Variants in ZNF335 observed in about 807,000 individuals in gnomAD.
ZNF335 encodes the protein NRC-interacting factor 1.
A neutral mutation model predicts 145.6 loss-of-function variants in ZNF335; 84 were observed. That is an observed-to-expected ratio of 0.58 (90% CI 0.48 to 0.69). ZNF335 has a LOEUF of 0.69. ZNF335 is among the 30% of genes least tolerant of loss of function. The pLI is 0.00. For missense variants in ZNF335, 1,865 were observed against 1,809.7 expected (o/e 1.03, Z -0.55); for synonymous variants, 761 against 717.0 (o/e 1.06, Z -0.98).
At position 45,949,823 on chromosome 20, in the gene ZNF335, G is replaced by A. The variant is rs2083595233; in HGVS notation, c.3646C>T (p.His1216Tyr). ...ITTADGQTVQ[H>Y]LVTSDNQVQY... The stretch of plus-strand genomic sequence containing the variant: ...ACCTGGTTGTCGGAGGTCACCAGGT[G>A]CTGTACGGTCTGGCCATCTGCCGTG... Residue 1216 changes from histidine to tyrosine, a missense_variant, in exon 24 of 28, where the codon CAC (histidine) becomes TAC (tyrosine). Coordinates refer to ENST00000322927, the MANE Select transcript of ZNF335 (RefSeq NM_022095.4). The A allele has an allele frequency of 6.2e-7, 1 of 1,614,008 alleles. No individual in the cohort carries two copies. Among genetic ancestry groups the A allele is most frequent in the Admixed American group, 1.7e-5 (1 of 60,008 alleles).
At position 45,967,642 on chromosome 20, in the gene ZNF335, T is replaced by C. The variant is rs747337899; in HGVS notation, c.815-8A>G. 10 of 1,613,602 alleles carry C rather than the reference T, an allele frequency of 6.2e-6. No homozygotes were observed. The highest frequency in any genetic ancestry group is 1.7e-6 in the Non-Finnish European group (2 of 1,179,932). ...CTGCTGCGGCTGCTGCTACTGGAAGTGGAGGGAGGGTAAGACAAGCTTGCC... is the reference window on the plus strand; with the variant it reads ...CTGCTGCGGCTGCTGCTACTGGAAGCGGAGGGAGGGTAAGACAAGCTTGCC... On this transcript the variant is annotated splice_region_variant and splice_polypyrimidine_tract_variant and intron_variant, in intron 5 of 27. Transcript: ENST00000322927.
In ZNF335 at chr20:45,951,018, A is replaced by T. The variant is rs560851586; in HGVS notation, c.3190-423T>A. ...AGCGATTCTCCCGCCTCAGCCTCCCAAGTTGCAGGGATTACTGGCATGCGC... is the reference window on the plus strand; with the variant it reads ...AGCGATTCTCCCGCCTCAGCCTCCCTAGTTGCAGGGATTACTGGCATGCGC... On this transcript the variant is annotated intron_variant, in intron 20 of 27. Transcript: ENST00000322927. Among the ~76,000 whole-genome samples the T allele has an allele frequency of 1.1e-3, 168 of 151,976 alleles. 1 individual carries two copies. The highest frequency in any genetic ancestry group is 4.0e-3 in the African/African-American group (164 of 41,434).
chr20:45,950,046 C>T lies in ZNF335; in HGVS notation c.3511G>A (p.Val1171Ile). ...LHTALQSSHG[V>I]LGPERLQQAL... Reference sequence around the variant, plus strand: ...TGCTGTAGCCGCTCTGGGCCCAGGACCCCGTGACTGGACTGGAGTGCAGCT... The same window carrying T: ...TGCTGTAGCCGCTCTGGGCCCAGGATCCCGTGACTGGACTGGAGTGCAGCT... Residue 1171 changes from valine (V) to isoleucine (I), a missense_variant, in exon 23 of 28, where the codon GTC becomes ATC. By Grantham distance (29) the Val-to-Ile change is conservative (BLOSUM62 3). Coordinates refer to ENST00000322927, the MANE Select transcript of ZNF335 (RefSeq NM_022095.4). The T allele has an allele frequency of 6.2e-7, 1 of 1,613,962 alleles. No homozygotes were observed. Among genetic ancestry groups the T allele is most frequent in the Non-Finnish European group, 8.5e-7 (1 of 1,179,972 alleles).
rs1429203370 is a variant in ZNF335 at position 45,950,433 on chromosome 20, C to T, written c.3332+20G>A. ...ACCATACATGCCCAGCAGTCCCCAC[C>T]CACCAGTATCTGGCCTCACCGCTGC... is the stretch of plus-strand genomic sequence containing the variant. On this transcript the variant is annotated intron_variant, in intron 21 of 27. Transcript: ENST00000322927. 3 of 1,613,910 alleles carry T rather than the reference C, an allele frequency of 1.9e-6. No individual in the cohort carries two copies. Among genetic ancestry groups the T allele is most frequent in the African/African-American group, 2.7e-5 (2 of 74,934 alleles).
chr20:45,962,156 G>C lies in ZNF335; in HGVS notation c.1560C>G (p.Ser520Arg), dbSNP rs2083854775. ...TGCACTCGTCACACTTGTAGGGCTT[G>C]CTGCCCACGTGGTTGAACATGTGCT... ...LKEHMFNHVG[S>R]KPYKCDECSY... Residue 520 changes from serine (S) to arginine (R), a missense_variant, in exon 10 of 28, where the codon AGC (serine) becomes AGG (arginine). Transcript: ENST00000322927. 2 of 1,613,944 alleles carry C rather than the reference G, an allele frequency of 1.2e-6. No individual in the cohort carries two copies. The highest frequency in any genetic ancestry group is 1.3e-5 in the African/African-American group (1 of 74,910).
intron 1 of ZNF335, chr20:45,971,696 C>T: frequency 2.0e-6 from 2 of 985,476 alleles, no homozygotes; most frequent in African/African-American, 1.7e-5. Flanking sequence ...AATCTTGACC[C>T]TTTCCCTCGC....
rs993707088 is a variant in ZNF335, at chr20:45,948,951, G to A, written c.*2C>T. 2.5e-6 allele frequency: 4 copies of A among 1,613,754 alleles called. No homozygotes were observed. The highest frequency in any genetic ancestry group is 2.5e-6 in the Non-Finnish European group (3 of 1,180,042). On this transcript the variant is annotated 3_prime_UTR_variant, in exon 28 of 28. Transcript: ENST00000322927. ...CCATGATCTGTGTTGGGCCCTCGGG[G>A]CTCAGTCATCGGCCAGGGTGATGAC... is the stretch of plus-strand genomic sequence containing the variant.
chr20:45,967,448 C>G (rs1156521562), intron 6 of ZNF335, 46 bp downstream of exon 6: 6 of 1,613,890 alleles, frequency 3.7e-6, no homozygotes, highest in African/African-American at 1.3e-5. Context: ...GTGAGTATGT[C>G]TAGATGGGCA....
intron 10 of ZNF335, 187 bp downstream of exon 10, chr20:45,961,883 G>C: frequency 1.8e-6 from 1 of 548,554 alleles, no homozygotes; most frequent in East Asian, 2.8e-5. Context: ...CTCAAGGCCT[G>C]GTACTGTCCT....
At chr20:45,953,553 T>C in intron 18 of ZNF335, 136 bp downstream of exon 18, 1 of 1,180,352 alleles carries the variant, frequency 8.5e-7, no homozygotes, top group Non-Finnish European at 1.2e-6. Context: ...CTGAGAAGGG[T>C]AGACTCCACC....
intron 9 of ZNF335, among the ~76,000 whole-genome samples, chr20:45,962,862 G>A (rs2083874383): frequency 6.8e-6 from 1 of 146,622 alleles, no homozygotes; most frequent in South Asian, 2.1e-4. Flanking sequence ...TGCCCAGGCT[G>A]GAGTGCAATG....
At position 45,952,606 on chromosome 20, in the gene ZNF335, G is replaced by A; in HGVS notation, c.2806C>T (p.His936Tyr). Reference sequence around the variant, plus strand: ...GCATCCCCAAGCCTCACCTCAATGTGGTGCAACTGGGTACCATCAGTAGCC... The same window carrying A: ...GCATCCCCAAGCCTCACCTCAATGTAGTGCAACTGGGTACCATCAGTAGCC... ...IMATDGTQLH[H>Y]IELTADGSIS... Residue 936 changes from histidine to tyrosine, a missense_variant, in exon 19 of 28, where the codon CAC becomes TAC. Coordinates refer to ENST00000322927, the MANE Select transcript of ZNF335 (RefSeq NM_022095.4). 6.2e-7 allele frequency: 1 copy of A among 1,613,972 alleles called. No homozygotes were observed. The highest frequency in any genetic ancestry group is 8.5e-7 in the Non-Finnish European group (1 of 1,180,008).
At position 45,971,348 on chromosome 20, in the gene ZNF335, C is replaced by T. The variant is rs2084063133; in HGVS notation, c.63G>A (p.Glu21=). 1 of 1,599,720 alleles carries T rather than the reference C, an allele frequency of 6.3e-7. No individual in the cohort carries two copies. The highest frequency in any genetic ancestry group is 8.5e-7 in the Non-Finnish European group (1 of 1,179,456). The change falls in exon 2 of 28, where the codon GAG becomes GAA. Residue 21 remains glutamate, a synonymous_variant. Coordinates refer to ENST00000322927, the MANE Select transcript of ZNF335 (RefSeq NM_022095.4). ...CCACACCCAGGCCGCTCTCAGAGGG[C>T]TCCTCGGGCCGGCCAGGCCCAGGGG... The part of the protein sequence containing the change: ...DAAPGPGRPE[E]PSESGLGVGT...
intron 7 of ZNF335, chr20:45,964,657 G>A (rs2083915826): frequency 6.6e-6 from 1 of 152,228 alleles, no homozygotes; most frequent in Non-Finnish European, 1.5e-5. Context: ...TGTGCACCTT[G>A]TGAAAACTCA....
chr20:45,968,157 T>A, intron 4 of ZNF335, 128 bp downstream of exon 4: 1 of 1,502,378 alleles, frequency 6.7e-7, no homozygotes, highest in Non-Finnish European at 9.1e-7. Context: ...AACCCGTCAG[T>A]AGGAAAACTG....
chr20:45,965,722 C>T lies in ZNF335; in HGVS notation c.1008G>A (p.Arg336=), dbSNP rs746956326. The part of the protein sequence containing the change: ...AEDEPRGRQL[R]LQRPTPSTPR... ...GGGTACTGGGGGTGGGGCGCTGGAG[C>T]CGAAGCTGCCGGCCTCGGGGCTCAT... The change falls in exon 7 of 28, where the codon CGG becomes CGA. Residue 336 remains arginine (R), a synonymous_variant. Transcript: ENST00000322927. 3 of 1,606,788 alleles carry T rather than the reference C, an allele frequency of 1.9e-6. No homozygotes were observed. Among genetic ancestry groups the T allele is most frequent in the East Asian group, 4.6e-5 (2 of 43,854 alleles).
At chr20:45,961,982 G>T in intron 10 of ZNF335, 88 bp downstream of exon 10, 4 of 1,141,612 alleles carry the variant, frequency 3.5e-6, no homozygotes, top group Non-Finnish European at 3.8e-6. Flanking sequence ...CAGGAGCACG[G>T]TAAGTGGGAA....
chr20:45,952,881 C>G (rs1471728528), intron 18 of ZNF335, among the ~76,000 whole-genome samples, 172 bp from the exon 19 acceptor site: 1 of 152,196 alleles, frequency 6.6e-6, no homozygotes, highest in Non-Finnish European at 1.5e-5. Context: ...TACCATGTCT[C>G]TTGTAAATGA....
rs770583123 is a variant in ZNF335, at chr20:45,971,250, G to C, written c.161C>G (p.Ser54Cys). 9 of 1,557,294 alleles carry C rather than the reference G, an allele frequency of 5.8e-6. No homozygotes were observed. Among genetic ancestry groups the C allele is most frequent in the Admixed American group, 1.9e-5 (1 of 53,196 alleles). The change falls in exon 2 of 28, where the codon TCT (serine) becomes TGT (cysteine). Residue 54 changes from serine to cysteine, a missense_variant. Physicochemically the swap from Ser to Cys is moderately radical, Grantham distance 112 (BLOSUM62 -1). Coordinates refer to ENST00000322927, the MANE Select transcript of ZNF335 (RefSeq NM_022095.4). The part of the protein sequence containing the change: ...AAPGQAEADD[S>C]GVGQSSDRGS... ...GCGGTCCGAGCTTTGCCCCACGCCA[G>C]AGTCATCGGCCTCTGCCTGCCCCGG...
Sources: gnomAD v4.1 joint callset for allele counts (sites outside exome capture counted in the v4.1 genomes callset) on GRCh38, gnomAD v4.1.1 for gene constraint, MANE v1.5 for transcripts, NCBI Gene and HGNC (gene_info 2026-07-23, HGNC 2026-07-21) for gene names.